Variants in ULK4 observed in about 807,000 individuals in gnomAD.
ULK4 encodes unc-51 like kinase 4, also known as inactive serine/threonine-protein kinase ULK4.
ULK4 carries 133 observed loss-of-function variants against 160.6 expected under a neutral mutation model. The ratio of observed to expected loss-of-function variants is 0.83; its 90% confidence interval spans 0.72 to 0.96. The LOEUF is 0.96. ULK4 is among the 40% of genes least tolerant of loss of function. ULK4 has a pLI of 0.00. For missense variants in ULK4, 1,580 were observed against 1,499.5 expected (o/e 1.05, Z -0.89); for synonymous variants, 534 against 539.8 (o/e 0.99, Z 0.15).
At chr3:41,306,495 G>T (rs1414044260) in intron 35 of ULK4, among the ~76,000 whole-genome samples, 1 of 139,730 alleles carries the variant, frequency 7.2e-6, no homozygotes, top group Non-Finnish European at 1.6e-5. Context: ...CCCCCCGCCC[G>T]GCCAGCCGCC....
intron 20 of ULK4, among the ~76,000 whole-genome samples, chr3:41,794,686 A>AAAAAAC (rs1553654814): frequency 2.7e-5 from 3 of 112,384 alleles, no homozygotes; most frequent in African/African-American, 1.2e-4. Context: ...AAAAAAAAAA[A>AAAAAAC]CACAGAAAAA....
chr3:41,546,364 C>T (rs1457065071), intron 32 of ULK4, among the ~76,000 whole-genome samples: 2 of 152,006 alleles, frequency 1.3e-5, no homozygotes, highest in Non-Finnish European at 2.9e-5. Flanking sequence ...TAGGACATGA[C>T]CCATATTCTA....
intron 32 of ULK4, among the ~76,000 whole-genome samples, chr3:41,508,059 T>C (rs2085453373): frequency 6.6e-6 from 1 of 152,220 alleles, no homozygotes. Flanking sequence ...CACTGGTCAC[T>C]GGCTCCTCTA....
chr3:41,570,494 A>G (rs1185757417), intron 31 of ULK4, among the ~76,000 whole-genome samples: 1 of 125,108 alleles, frequency 8.0e-6, no homozygotes, highest in African/African-American at 3.2e-5. Context: ...TCTTGTGAAG[A>G]AAGTGGAGCT....
chr3:41,452,880 A>C (rs189747457), intron 34 of ULK4, among the ~76,000 whole-genome samples: 1 of 152,294 alleles, frequency 6.6e-6, no homozygotes, highest in East Asian at 1.9e-4. Flanking sequence ...TTGAATCAAA[A>C]CATTGTATTT....
intron 11 of ULK4, among the ~76,000 whole-genome samples, chr3:41,910,336 T>C (rs532100150): frequency 3.0e-4 from 46 of 152,326 alleles, no homozygotes; most frequent in Non-Finnish European, 4.3e-4. Flanking sequence ...CTGTGGCTCA[T>C]GTGTGTAATC....
chr3:41,280,461 T>C (rs1459549335), intron 35 of ULK4, among the ~76,000 whole-genome samples: 1 of 152,208 alleles, frequency 6.6e-6, no homozygotes, highest in African/African-American at 2.4e-5. Flanking sequence ...AAACTGTCTC[T>C]CAGACCACAG....
chr3:41,253,283 T>C (rs746464828), intron 35 of ULK4, among the ~76,000 whole-genome samples: 68 of 151,902 alleles, frequency 4.5e-4, no homozygotes, highest in Non-Finnish European at 8.5e-4. Context: ...TGTTTAATAG[T>C]AGAAAAGAAA....
At chr3:41,407,434 T>C (rs1232492009) in intron 34 of ULK4, among the ~76,000 whole-genome samples, 3 of 152,080 alleles carry the variant, frequency 2.0e-5, no homozygotes, top group Admixed American at 6.5e-5. Context: ...AAAAACCCAC[T>C]ATAGGCCAAT....
intron 32 of ULK4, among the ~76,000 whole-genome samples, chr3:41,491,132 G>A (rs958198279): frequency 5.3e-5 from 8 of 152,070 alleles, no homozygotes; most frequent in Admixed American, 1.3e-4. Flanking sequence ...CACTATTGAG[G>A]GACACAGAGG....
At chr3:41,735,687 T>TTTTTTATTATTA (rs1553641851) in intron 22 of ULK4, among the ~76,000 whole-genome samples, 3 of 144,494 alleles carry the variant, frequency 2.1e-5, no homozygotes, top group Non-Finnish European at 4.5e-5. Context: ...CTAAGTCCAT[T>TTTTTTATTATTA]TTATTATTAT....
chr3:41,466,670 T>G (rs1011436606), intron 32 of ULK4, among the ~76,000 whole-genome samples: 1 of 152,066 alleles, frequency 6.6e-6, no homozygotes, highest in Non-Finnish European at 1.5e-5. Context: ...CATTAAAAAG[T>G]AAAGCTTTTG....
chr3:41,865,270 TTAAAAAAAAAAAAAAAA>T (rs1258091019), intron 17 of ULK4, among the ~76,000 whole-genome samples: 18 of 65,624 alleles, frequency 2.7e-4, no homozygotes, highest in African/African-American at 6.9e-4. Context: ...GACTCTGTCT[TTAAAAAAAAAAAAAAAA>T]AAAAAAAAAA....
intron 35 of ULK4, among the ~76,000 whole-genome samples, chr3:41,292,403 T>C (rs1270159560): frequency 1.3e-5 from 2 of 152,146 alleles, no homozygotes; most frequent in Admixed American, 1.3e-4. Flanking sequence ...TTGTAACCAG[T>C]GCCCTCTACT....
chr3:41,350,013 C>T (rs2080876820), intron 35 of ULK4, among the ~76,000 whole-genome samples: 1 of 152,144 alleles, frequency 6.6e-6, no homozygotes, highest in Non-Finnish European at 1.5e-5. Flanking sequence ...TCCAGGAACA[C>T]AGTATATATT....
chr3:41,905,708 TA>T (rs1263010873), intron 12 of ULK4, among the ~76,000 whole-genome samples: 2 of 152,054 alleles, frequency 1.3e-5, no homozygotes, highest in African/African-American at 4.8e-5. Context: ...AAATGGCCAA[TA>T]AACACATAAA....
At chr3:41,822,625 G>A (rs914244160) in intron 18 of ULK4, among the ~76,000 whole-genome samples, 5 of 150,304 alleles carry the variant, frequency 3.3e-5, no homozygotes, top group Non-Finnish European at 7.4e-5. Context: ...CGCCATGTTG[G>A]CCAGGCTCGT....
chr3:41,593,421 T>C (rs374739655), intron 31 of ULK4, among the ~76,000 whole-genome samples: 2 of 143,190 alleles, frequency 1.4e-5, no homozygotes, highest in Non-Finnish European at 3.1e-5. Context: ...CACACACACA[T>C]ATAAACACAA....
chr3:41,361,113 G>A (rs540984295), intron 35 of ULK4, among the ~76,000 whole-genome samples: 11 of 152,176 alleles, frequency 7.2e-5, no homozygotes, highest in African/African-American at 2.6e-4. Flanking sequence ...AGAAGCTGAG[G>A]GCTCAGCCTC....
Sources: allele counts gnomAD v4.1 joint callset (sites outside exome capture counted in the v4.1 genomes callset), GRCh38; gene constraint gnomAD v4.1.1; transcripts MANE v1.5; gene names NCBI Gene and HGNC (gene_info 2026-07-23, HGNC 2026-07-21).